The following LAMC2 variants were observed in gnomAD, a reference collection of about 807,000 sequenced individuals.
LAMC2 encodes laminin subunit gamma 2, also known as laminin subunit gamma-2.
In LAMC2, 97 loss-of-function variants were observed where a neutral mutation model predicts 140.2. The observed-to-expected ratio is 0.69, with a 90% CI of 0.59 to 0.82. The LOEUF (loss-of-function observed/expected upper bound fraction) is 0.82, where lower values mean the gene tolerates loss of function less well. Ranked by LOEUF, LAMC2 falls within the 40% of genes least tolerant of loss-of-function variation. LAMC2 has a pLI of 0.00. For missense variants in LAMC2, 1,402 were observed against 1,476.1 expected, an observed-to-expected ratio of 0.95 and a Z score of 0.82; for synonymous variants, 513 against 540.2, an observed-to-expected ratio of 0.95 and a Z score of 0.70.
intron 6 of LAMC2, 116 bp downstream of exon 6, chr1:183,222,327 A>G: frequency 8.9e-7 from 1 of 1,119,776 alleles, no homozygotes; most frequent in African/African-American, 1.5e-5. Context: ...GGGTAGCAGC[A>G]TCTCCGGGTA....
chr1:183,234,539 A>T, intron 15 of LAMC2, 93 bp downstream of exon 15: 1 of 994,974 alleles, frequency 1.0e-6, no homozygotes, highest in Non-Finnish European at 1.6e-6. Context: ...CAAGCATCGT[A>T]TTTATTCTCT....
chr1:183,239,468 C>A lies in LAMC2; in HGVS notation c.2974C>A (p.Gln992Lys), dbSNP rs1191104419. ...TTCAGATGCCAGTGACAAGACCCAG[C>A]AAGCAGAAAGAGCCCTGGGGAGCGC... ...KVSDASDKTQQAERALGSAAA... is the reference protein window; with the variant it reads ...KVSDASDKTQKAERALGSAAA... Residue 992 changes from glutamine to lysine, a missense_variant, in exon 20 of 23, where the codon CAA (glutamine) becomes AAA (lysine). Transcript: ENST00000264144. 1.2e-6 allele frequency: 2 copies of A among 1,614,118 alleles called. No homozygotes were observed. Among genetic ancestry groups the A allele is most frequent in the Non-Finnish European group, 1.7e-6 (2 of 1,179,998 alleles).
At chr1:183,235,185 CCA>C (rs542674537) in intron 15 of LAMC2, among the ~76,000 whole-genome samples, 2 of 152,012 alleles carry the variant, frequency 1.3e-5, no homozygotes, top group Non-Finnish European at 2.9e-5. Context: ...AGTGGTGGGC[CCA>C]GTTTAGAGCT....
chr1:183,228,247 T>C lies in LAMC2; in HGVS notation c.1469-127T>C. ...TGCATGCCTGCTCCTGAGGGCTTTGTTCTGGGGTCCCTAGGGAAGCACATT... is the reference window on the plus strand; with the variant it reads ...TGCATGCCTGCTCCTGAGGGCTTTGCTCTGGGGTCCCTAGGGAAGCACATT... On this transcript the variant is annotated intron_variant, in intron 10 of 22. Transcript: ENST00000264144. This position sits in a 1 kb window ranked among gnomAD's most constrained non-coding sequence, Gnocchi z 4.3. The C allele has an allele frequency of 7.8e-7, 1 of 1,284,158 alleles. No individual in the cohort carries two copies. Among genetic ancestry groups the C allele is most frequent in the Non-Finnish European group, 1.1e-6 (1 of 898,802 alleles). The allele number at this position is 1,284,158 out of a possible 1,614,324, so 79.5% of individuals were successfully genotyped here.
Position 183,215,519 on chromosome 1 carries a change from G to C in LAMC2, c.335G>C (p.Arg112Thr). 2.5e-6 allele frequency: 4 copies of C among 1,614,190 alleles called. No individual in the cohort carries two copies. Among genetic ancestry groups the C allele is most frequent in the Non-Finnish European group, 2.5e-6 (3 of 1,180,038 alleles). ...CSCKPGVTGA[R>T]CDRCLPGFHM... ...TGTAAACCAGGTGTGACAGGAGCCA[G>C]ATGCGACCGATGTCTGCCAGGCTTC... Residue 112 changes from arginine to threonine, a missense_variant, in exon 3 of 23, where the codon AGA becomes ACA. By Grantham distance (71) the Arg-to-Thr change is moderately conservative. Transcript: ENST00000264144.
intron 2 of LAMC2, among the ~76,000 whole-genome samples, chr1:183,209,284 C>T (rs1659000701): frequency 6.6e-6 from 1 of 152,054 alleles, no homozygotes; most frequent in African/African-American, 2.4e-5. Context: ...ATGGCAATGA[C>T]TTAGTGTAGT....
chr1:183,221,744 G>GA (rs910367440), intron 5 of LAMC2, among the ~76,000 whole-genome samples: 27 of 145,964 alleles, frequency 1.8e-4, no homozygotes, highest in Middle Eastern at 3.6e-3. Context: ...AAAAACAAAT[G>GA]AAAAAAAAAT....
In LAMC2 at chr1:183,223,350, C is replaced by G. The variant is rs766701962; in HGVS notation, c.953+26C>G. On this transcript the variant is annotated intron_variant, in intron 7 of 22. Transcript: ENST00000264144. ...GTAAAAAGAGAGACCATAAGTAGGT[C>G]AATTAGAGCAAACTATGATTGAAGT... is the stretch of plus-strand genomic sequence containing the variant. The G allele has an allele frequency of 2.5e-6, 4 of 1,595,244 alleles. No homozygotes were observed. In the Admixed American group the frequency reaches 5.0e-5, roughly 20 times the overall value.
Position 183,220,896 on chromosome 1 carries a change from A to G in LAMC2, c.575A>G (p.His192Arg). The G allele has an allele frequency of 6.2e-7, 1 of 1,614,060 alleles. No individual in the cohort carries two copies. Among genetic ancestry groups the G allele is most frequent in the Non-Finnish European group, 8.5e-7 (1 of 1,179,884 alleles). ...EGCTQCFCYG[H>R]SASCRSSAEY... ...TGTACCCAGTGTTTCTGCTATGGGC[A>G]TTCAGCCAGCTGCCGCAGCTCTGCA... Residue 192 changes from histidine (H) to arginine (R), a missense_variant, in exon 5 of 23, where the codon CAT (histidine) becomes CGT (arginine). By Grantham distance (29) the His-to-Arg change is conservative. This residue lies in a region of LAMC2 where 723 missense variants were observed against 783.3 expected (regional missense o/e 0.92). Coordinates refer to ENST00000264144, the MANE Select transcript of LAMC2 (RefSeq NM_005562.3).
chr1:183,198,727 C>G (rs1447145536), intron 1 of LAMC2, among the ~76,000 whole-genome samples: 1 of 152,188 alleles, frequency 6.6e-6, no homozygotes, highest in Non-Finnish European at 1.5e-5. Context: ...TGAGGCCTGC[C>G]TCATCGCCTT....
At chr1:183,230,523 T>G (rs950652140) in intron 11 of LAMC2, among the ~76,000 whole-genome samples, 24 of 152,220 alleles carry the variant, frequency 1.6e-4, no homozygotes, top group African/African-American at 4.8e-4. Flanking sequence ...GGAAAGAACA[T>G]TGGCTCTGCC....
chr1:183,248,216 T>G (rs1660279612), downstream of LAMC2: 1 of 152,630 alleles, frequency 6.6e-6, no homozygotes, highest in Non-Finnish European at 1.5e-5. Flanking sequence ...ACAGAGAAAG[T>G]TCTTGACCAA....
chr1:183,225,671 A>G lies in LAMC2; in HGVS notation c.1017A>G (p.Leu339=). ...PQLSYFEYRR[L]LRNLTALRIR... ...TGAGTTACTTTGAGTATCGAAGGTT[A>G]CTGCGGAATCTCACAGCCCTCCGCA... The change falls in exon 8 of 23, where the codon TTA becomes TTG. Residue 339 remains leucine (L), a synonymous_variant. Transcript: ENST00000264144. 2 of 1,614,142 alleles carry G rather than the reference A, an allele frequency of 1.2e-6. No individual in the cohort carries two copies. The highest frequency in any genetic ancestry group is 1.7e-6 in the Non-Finnish European group (2 of 1,179,946).
At chr1:183,199,398 C>A (rs1172611281) in intron 1 of LAMC2, among the ~76,000 whole-genome samples, 2 of 151,764 alleles carry the variant, frequency 1.3e-5, no homozygotes, top group Non-Finnish European at 2.9e-5. Context: ...TAGAGTCAGA[C>A]TGCCTATATT....
At chr1:183,241,205 A>G (rs1047491951) in intron 22 of LAMC2, 66 of 695,250 alleles carry the variant, frequency 9.5e-5, no homozygotes, top group Admixed American at 5.8e-4. Context: ...CCAAGATTGC[A>G]CCACTGCTCT....
At chr1:183,257,274 C>A in the LAMC2 span, among the ~76,000 whole-genome samples, 2 of 151,938 alleles carry the variant, frequency 1.3e-5, no homozygotes, top group African/African-American at 4.8e-5. Context: ...AACCCTGTCT[C>A]TACCAAAAAT....
intron 1 of LAMC2, among the ~76,000 whole-genome samples, chr1:183,204,420 A>G (rs545963585): frequency 1.3e-5 from 2 of 150,814 alleles, no homozygotes; most frequent in East Asian, 4.0e-4. Flanking sequence ...ACATGGTGAA[A>G]CCCCGTCTCT....
intron 1 of LAMC2, among the ~76,000 whole-genome samples, chr1:183,188,866 G>A (rs1658237317): frequency 6.6e-6 from 1 of 152,184 alleles, no homozygotes; most frequent in South Asian, 2.1e-4. Context: ...TACTAGAAAC[G>A]TAGCCACCAA....
At chr1:183,186,853 T>A (rs2102155731) in intron 1 of LAMC2, among the ~76,000 whole-genome samples, 1 of 152,344 alleles carries the variant, frequency 6.6e-6, no homozygotes, top group Middle Eastern at 3.4e-3. Flanking sequence ...TCAATAATCC[T>A]GTAATTGATG....
Sources: gnomAD v4.1 joint callset for allele counts (sites outside exome capture counted in the v4.1 genomes callset) on GRCh38, gnomAD v4.1.1 for gene constraint, gnomAD v4.1.1 regional missense constraint, Gnocchi (gnomAD v3.1) non-coding constraint, MANE v1.5 for transcripts, NCBI Gene and HGNC (gene_info 2026-07-23, HGNC 2026-07-21) for gene names.